The following AGBL4 variants were observed in gnomAD, a reference collection of about 807,000 sequenced individuals.
The protein encoded by AGBL4 is cytosolic carboxypeptidase 6.
AGBL4 carries 58 observed loss-of-function variants against 66.4 expected under a neutral mutation model. The ratio of observed to expected loss-of-function variants is 0.87; its 90% confidence interval spans 0.71 to 1.09. AGBL4 has a LOEUF of 1.09. Ranked by LOEUF, AGBL4 falls within the 50% of genes least tolerant of loss-of-function variation. The pLI is 0.00. For missense variants in AGBL4, 579 were observed against 631.0 expected, an observed-to-expected ratio of 0.92 and a Z score of 0.88; for synonymous variants, 234 against 222.9, an observed-to-expected ratio of 1.05 and a Z score of -0.44.
intron 6 of AGBL4, among the ~76,000 whole-genome samples, chr1:48,733,775 C>T (rs1389286302): frequency 6.6e-6 from 1 of 152,112 alleles, no homozygotes; most frequent in African/African-American, 2.4e-5. Context: ...AGAAATCACA[C>T]AAAATTTGGT....
At chr1:49,797,967 T>G (rs969119888) in intron 2 of AGBL4, among the ~76,000 whole-genome samples, 1 of 152,120 alleles carries the variant, frequency 6.6e-6, no homozygotes, top group African/African-American at 2.4e-5. Context: ...TTCACCATGT[T>G]GGCCAGGCTG....
At chr1:49,096,205 A>T (rs1387757064) in intron 4 of AGBL4, among the ~76,000 whole-genome samples, 1 of 151,980 alleles carries the variant, frequency 6.6e-6, no homozygotes, top group Non-Finnish European at 1.5e-5. Context: ...GCTGGAGAAG[A>T]TGTGGAGAAA....
At chr1:48,828,912 G>A (rs2148780781) in intron 6 of AGBL4, among the ~76,000 whole-genome samples, 1 of 152,162 alleles carries the variant, frequency 6.6e-6, no homozygotes, top group South Asian at 2.1e-4. Flanking sequence ...ACTATTCTTA[G>A]CATTGTGTAC....
Position 49,543,453 on chromosome 1 carries a change from C to T in AGBL4, c.282+153860G>A, listed in dbSNP as rs909170551. On this transcript the variant is annotated intron_variant, in intron 3 of 13. Transcript: ENST00000371839. The stretch of plus-strand genomic sequence containing the variant: ...AAAAGGGGACATGTAATGGTTTGTT[C>T]AGAGGAGAAAGTTTTAAGTTTTGAA... 3.4e-4 allele frequency among the ~76,000 whole-genome samples: 51 copies of T among 152,022 alleles called. 1 individual carries two copies. Among genetic ancestry groups the T allele is most frequent in the African/African-American group, 1.2e-3 (49 of 41,464 alleles).
intron 8 of AGBL4, among the ~76,000 whole-genome samples, chr1:48,652,400 A>G (rs1298744347): frequency 6.6e-6 from 1 of 152,126 alleles, no homozygotes; most frequent in African/African-American, 2.4e-5. Context: ...CTTCATACAT[A>G]AGGTAGCAGG....
intron 3 of AGBL4, among the ~76,000 whole-genome samples, chr1:49,617,647 C>A (rs1363073776): frequency 1.3e-5 from 2 of 152,156 alleles, no homozygotes; most frequent in Admixed American, 6.5e-5. Context: ...GTGCCCTTAT[C>A]ATAGTACCTA....
chr1:49,407,060 G>C (rs576140892), intron 3 of AGBL4, among the ~76,000 whole-genome samples: 77 of 94,464 alleles, frequency 8.2e-4, no homozygotes, highest in Non-Finnish European at 1.1e-3. Flanking sequence ...GTGAGACTCT[G>C]CCTCCAAAAA....
intron 6 of AGBL4, among the ~76,000 whole-genome samples, chr1:48,685,150 G>C (rs777402420): frequency 6.6e-6 from 1 of 152,202 alleles, no homozygotes; most frequent in Non-Finnish European, 1.5e-5. Context: ...GAGGCCCCAA[G>C]TTCCACGATC....
intron 5 of AGBL4, among the ~76,000 whole-genome samples, chr1:49,025,150 TA>T (rs1663555165): frequency 6.6e-6 from 1 of 152,182 alleles, no homozygotes; most frequent in Non-Finnish European, 1.5e-5. Context: ...GCCTTGAACG[TA>T]CTCAGTTAAT....
In AGBL4 at chr1:49,001,391, G is replaced by A. The variant is rs139995643; in HGVS notation, c.594+44193C>T. ...TTAACTTCTGTTTGTTGGTATTCTCGCCTATAAAATGGGAACATTCGAATG... is the reference window on the plus strand; with the variant it reads ...TTAACTTCTGTTTGTTGGTATTCTCACCTATAAAATGGGAACATTCGAATG... On this transcript the variant is annotated intron_variant, in intron 5 of 13. Coordinates refer to ENST00000371839, the MANE Select transcript of AGBL4 (RefSeq NM_032785.4). Among the ~76,000 whole-genome samples the A allele has an allele frequency of 3.9e-4, 59 of 152,206 alleles. No homozygotes were observed. The East Asian group carries it at 0.011, about 27-fold the overall frequency.
intron 6 of AGBL4, among the ~76,000 whole-genome samples, chr1:48,777,498 T>G (rs17104848): frequency 0.011 from 1,667 of 152,044 alleles, 28 homozygotes; most frequent in African/African-American, 0.037. Flanking sequence ...CTTTCTTTCT[T>G]TTTGTTTGTT....
intron 1 of AGBL4, among the ~76,000 whole-genome samples, chr1:49,902,700 T>C (rs898756680): frequency 2.6e-5 from 4 of 152,070 alleles, no homozygotes; most frequent in Admixed American, 2.0e-4. Flanking sequence ...TGAGCTGAGA[T>C]CATGTCACTA....
chr1:49,802,503 T>A (rs1644886088), intron 2 of AGBL4, among the ~76,000 whole-genome samples: 1 of 152,210 alleles, frequency 6.6e-6, no homozygotes, highest in South Asian at 2.1e-4. Context: ...CTGTTTTTAG[T>A]CTCTGTTAGA....
At chr1:49,082,944 G>T (rs1312477952) in intron 4 of AGBL4, among the ~76,000 whole-genome samples, 1 of 152,184 alleles carries the variant, frequency 6.6e-6, no homozygotes, top group African/African-American at 2.4e-5. Context: ...CAAAGAGGCT[G>T]CAGGCCCCAT....
At chr1:49,485,498 C>A (rs1246758856) in intron 3 of AGBL4, among the ~76,000 whole-genome samples, 1 of 149,956 alleles carries the variant, frequency 6.7e-6, no homozygotes, top group East Asian at 2.0e-4. Context: ...AGGAGATATA[C>A]CTAATGTTAA....
intron 9 of AGBL4, among the ~76,000 whole-genome samples, chr1:48,610,589 C>T (rs11800030): frequency 0.014 from 2,205 of 152,108 alleles, 64 homozygotes; most frequent in African/African-American, 0.051. Flanking sequence ...CCACTTTGTC[C>T]CCTCCCCTGA....
chr1:49,632,836 T>C (rs1645596830), intron 3 of AGBL4, among the ~76,000 whole-genome samples: 2 of 77,388 alleles, frequency 2.6e-5, no homozygotes, highest in Non-Finnish European at 5.5e-5. Context: ...ACTAGAACAG[T>C]GTGCCTAGGC....
chr1:49,013,472 G>A (rs932281173), intron 5 of AGBL4, among the ~76,000 whole-genome samples: 1 of 152,162 alleles, frequency 6.6e-6, no homozygotes, highest in Non-Finnish European at 1.5e-5. Flanking sequence ...ACTCCTTCAG[G>A]AGCCCTTTAT....
At chr1:49,505,516 G>GT (rs1487536717) in intron 3 of AGBL4, among the ~76,000 whole-genome samples, 1 of 151,682 alleles carries the variant, frequency 6.6e-6, no homozygotes, top group Admixed American at 6.6e-5. Flanking sequence ...TAGCTGTCAG[G>GT]TTTTTTTGTC....
Sources: allele counts gnomAD v4.1 joint callset (sites outside exome capture counted in the v4.1 genomes callset), GRCh38; gene constraint gnomAD v4.1.1; transcripts MANE v1.5; gene names NCBI Gene and HGNC (gene_info 2026-07-23, HGNC 2026-07-21).